The following ERC2 variants were observed in gnomAD, a reference collection of about 807,000 sequenced individuals.
ERC2 encodes the protein ERC protein 2.
ERC2 carries 42 observed loss-of-function variants against 114.8 expected under a neutral mutation model. The ratio of observed to expected loss-of-function variants is 0.37; its 90% CI spans 0.29 to 0.47. The LOEUF (loss-of-function observed/expected upper bound fraction) is 0.47. Among genes scored for constraint, ERC2 ranks in the 20% least tolerant of loss-of-function variants. ERC2 has a pLI of 0.99. For missense variants in ERC2, 939 were observed against 1,150.7 expected (o/e 0.82, Z 2.66); for synonymous variants, 454 against 425.5 (o/e 1.07, Z -0.82).
rs2061838873 is a variant in ERC2 at position 55,857,439 on chromosome 3, C to CTT, written c.2564+30948_2564+30949dup. Among the ~76,000 whole-genome samples the CTT allele has an allele frequency of 4.6e-5, 7 of 152,222 alleles. No homozygotes were observed. The South Asian group carries it at 1.5e-3, about 32-fold the overall frequency. ...AATAGATGTAACACAAAAGTTGTCA[C>CTT]TTTAACCATTTTTAAATATACAATT... On this transcript the variant is annotated intron_variant, in intron 14 of 17. Coordinates refer to ENST00000288221, the MANE Select transcript of ERC2 (RefSeq NM_015576.3).
intron 3 of ERC2, among the ~76,000 whole-genome samples, chr3:56,256,795 G>A (rs1015707192): frequency 6.6e-6 from 1 of 152,070 alleles, no homozygotes; most frequent in Non-Finnish European, 1.5e-5. Context: ...GTGTTTGGAG[G>A]TTCCTCCTTC....
chr3:55,980,596 A>G (rs950378350), intron 12 of ERC2, among the ~76,000 whole-genome samples: 1 of 152,246 alleles, frequency 6.6e-6, no homozygotes, highest in African/African-American at 2.4e-5. Flanking sequence ...TAATACTAAG[A>G]AACTATTTTT....
chr3:56,131,452 T>C (rs1220988287), intron 6 of ERC2, among the ~76,000 whole-genome samples: 1 of 152,170 alleles, frequency 6.6e-6, no homozygotes, highest in Non-Finnish European at 1.5e-5. Flanking sequence ...TTTAACAGTC[T>C]TAAAAGTTGA....
At chr3:55,762,452 A>G (rs1033555077) in intron 14 of ERC2, among the ~76,000 whole-genome samples, 24 of 152,226 alleles carry the variant, frequency 1.6e-4, no homozygotes, top group African/African-American at 5.1e-4. Flanking sequence ...TTCCAATATC[A>G]TACCACAACA....
intron 17 of ERC2, among the ~76,000 whole-genome samples, chr3:55,667,540 T>G (rs9826672): frequency 6.6e-6 from 1 of 151,476 alleles, no homozygotes; most frequent in Admixed American, 6.6e-5. Flanking sequence ...ATCCTGAGAC[T>G]GCATGCTGCA....
intron 16 of ERC2, among the ~76,000 whole-genome samples, chr3:55,685,799 C>T (rs865974): frequency 0.94 from 143,515 of 152,328 alleles, 67,639 homozygotes; most frequent in East Asian, 1. Context: ...TTCTCTAAAA[C>T]ACAGCCTACG....
At chr3:56,442,735 G>T (rs1365001432) in intron 1 of ERC2, among the ~76,000 whole-genome samples, 1 of 152,132 alleles carries the variant, frequency 6.6e-6, no homozygotes, top group Non-Finnish European at 1.5e-5. Flanking sequence ...TTTGACAACC[G>T]AATCCTCTTC....
In ERC2 at chr3:55,861,261, C is replaced by T. The variant is rs765002757; in HGVS notation, c.2564+27128G>A. On this transcript the variant is annotated intron_variant, in intron 14 of 17. Coordinates refer to ENST00000288221, the MANE Select transcript of ERC2 (RefSeq NM_015576.3). Reference sequence around the variant, plus strand: ...TCATTCTTGAGGAACCTCCACTCCTCGGATGAGATTCAGATCTACCTTGCC... The same window carrying T: ...TCATTCTTGAGGAACCTCCACTCCTTGGATGAGATTCAGATCTACCTTGCC... Among the ~76,000 whole-genome samples, 26 of 152,360 alleles carry T rather than the reference C, an allele frequency of 1.7e-4. 1 individual carries two copies. The highest frequency in any genetic ancestry group is 3.4e-3 in the Middle Eastern group (1 of 294).
intron 17 of ERC2, among the ~76,000 whole-genome samples, chr3:55,572,352 T>C (rs2107527911): frequency 6.6e-6 from 1 of 152,250 alleles, no homozygotes; most frequent in East Asian, 1.9e-4. Flanking sequence ...GGTGAGAATT[T>C]GATGGCAGAG....
At chr3:56,395,154 C>A (rs2060261359) in intron 2 of ERC2, among the ~76,000 whole-genome samples, 1 of 151,950 alleles carries the variant, frequency 6.6e-6, no homozygotes. Flanking sequence ...AGAATGACTG[C>A]TAATGGGTGA....
intron 12 of ERC2, among the ~76,000 whole-genome samples, chr3:55,968,180 A>G (rs912143439): frequency 9.9e-5 from 15 of 152,120 alleles, no homozygotes; most frequent in African/African-American, 3.6e-4. Flanking sequence ...CTAGAAAATC[A>G]GAGTATTGGC....
Position 55,518,239 on chromosome 3 carries a change from T to C in ERC2, c.*40-6963A>G, listed in dbSNP as rs139065691. 6.6e-5 allele frequency among the ~76,000 whole-genome samples: 10 copies of C among 152,338 alleles called. 1 individual carries two copies. In the East Asian group the frequency reaches 1.9e-3, roughly 29 times the overall value. ...TGGTTGACTGTGCTGTTTTAAGCAG[T>C]GATATGTTGGTAGATATGTACAGTA... On this transcript the variant is annotated intron_variant, in intron 17 of 17. Coordinates refer to ENST00000288221, the MANE Select transcript of ERC2 (RefSeq NM_015576.3).
chr3:55,937,284 G>C (rs1461261427), intron 13 of ERC2, among the ~76,000 whole-genome samples: 5 of 152,242 alleles, frequency 3.3e-5, no homozygotes, highest in Admixed American at 3.3e-4. Context: ...GGGAGGCGGA[G>C]GTTGCAGTGA....
intron 7 of ERC2, among the ~76,000 whole-genome samples, chr3:56,046,510 C>G (rs1382939048): frequency 2.0e-5 from 3 of 152,182 alleles, no homozygotes; most frequent in African/African-American, 7.2e-5. Context: ...TGGGAAGTCA[C>G]CAGTTACTTA....
chr3:56,324,829 T>G (rs1044138817), intron 2 of ERC2, among the ~76,000 whole-genome samples: 9 of 152,058 alleles, frequency 5.9e-5, no homozygotes, highest in African/African-American at 2.2e-4. Flanking sequence ...TTCCAAGCAC[T>G]GCAGCCTCCT....
At chr3:55,542,835 A>G (rs913565212) in intron 17 of ERC2, among the ~76,000 whole-genome samples, 1 of 152,178 alleles carries the variant, frequency 6.6e-6, no homozygotes, top group African/African-American at 2.4e-5. Context: ...AACTTCTCTA[A>G]GCCTTCTAAT....
At chr3:56,176,968 A>G (rs950540198) in intron 3 of ERC2, among the ~76,000 whole-genome samples, 4 of 152,152 alleles carry the variant, frequency 2.6e-5, no homozygotes, top group East Asian at 1.9e-4. Flanking sequence ...CTCTTTTTCT[A>G]TCTACTAGCT....
chr3:56,000,317 A>G (rs965950165), intron 10 of ERC2, among the ~76,000 whole-genome samples: 4 of 152,126 alleles, frequency 2.6e-5, no homozygotes, highest in Admixed American at 1.3e-4. Context: ...GGTAGTGAGG[A>G]AAGCCTAAAG....
intron 13 of ERC2, among the ~76,000 whole-genome samples, chr3:55,895,190 T>C (rs1303004996): frequency 6.6e-6 from 1 of 152,194 alleles, no homozygotes; most frequent in African/African-American, 2.4e-5. Context: ...TGGTTTAAGA[T>C]TGGTTAGGTT....
Sources: allele counts gnomAD v4.1 joint callset (sites outside exome capture counted in the v4.1 genomes callset), GRCh38; gene constraint gnomAD v4.1.1; transcripts MANE v1.5; gene names NCBI Gene and HGNC (gene_info 2026-07-23, HGNC 2026-07-21).